The following NPIPB12 variants were observed in gnomAD, a reference collection of about 807,000 sequenced individuals.
The protein encoded by NPIPB12 is nuclear pore complex interacting protein family member B12.
chr16:29,504,522 G>GTA (rs1314617298), intron 2 of NPIPB12, among the ~76,000 whole-genome samples: 1 of 101,876 alleles, frequency 9.8e-6, no homozygotes, highest in Non-Finnish European at 1.9e-5. Flanking sequence ...ATATGTGTGT[G>GTA]TGTGTGTGTG....
chr16:29,501,311 C>G (rs1350468759), upstream of NPIPB12, among the ~76,000 whole-genome samples: 1 of 27,026 alleles, frequency 3.7e-5, no homozygotes. Flanking sequence ...AACCCTGTCT[C>G]TAATAAAATA....
At chr16:29,498,411 A>G (rs1965169020) in intron 1 of NPIPB12, among the ~76,000 whole-genome samples, 1 of 122,080 alleles carries the variant, frequency 8.2e-6, no homozygotes, top group African/African-American at 3.0e-5. Flanking sequence ...ACTTACACTT[A>G]AGGTTATATA....
At position 29,492,512 on chromosome 16, in the gene NPIPB12, A is replaced by AAT. The variant is rs1555481725; in HGVS notation, c.205-639_205-638insAT. 8.0e-4 allele frequency among the ~76,000 whole-genome samples: 34 copies of AAT among 42,712 alleles called. 1 individual carries two copies. Among genetic ancestry groups the AAT allele is most frequent in the African/African-American group, 2.8e-3 (29 of 10,314 alleles). The allele number at this position is 42,712 out of a possible 152,430, so 28.0% of individuals were successfully genotyped here. A position where few individuals can be genotyped will look rare whatever the true frequency, so the allele number is the denominator to read the frequency against. On this transcript the variant is annotated intron_variant, in intron 2 of 5. Coordinates refer to ENST00000617311, the Ensembl canonical transcript of NPIPB12. Reference sequence around the variant, plus strand: ...TGTCTCAAAAAAAAAAAAAAAAAAAAAGGCCAGATGCGGTAGCTCACGCCT... The same window carrying AAT: ...TGTCTCAAAAAAAAAAAAAAAAAAAAATAGGCCAGATGCGGTAGCTCACGCCT...
chr16:29,495,083 G>A (rs1339477224), intron 2 of NPIPB12, among the ~76,000 whole-genome samples: 1 of 120,188 alleles, frequency 8.3e-6, no homozygotes, highest in East Asian at 2.5e-4. Context: ...TAAGCTGTCT[G>A]TTGTCAGCTC....
At chr16:29,499,285 TA>T in intron 1 of NPIPB12, 1 of 159,608 alleles carries the variant, frequency 6.3e-6, no homozygotes, top group Non-Finnish European at 9.2e-6. Flanking sequence ...TACAGCCCAG[TA>T]AAAAGGAAGA....
At chr16:29,485,115 G>GGGATGGAGCAGACA, downstream of NPIPB12, 3 of 246,114 alleles carry the variant, frequency 1.2e-5, no homozygotes, top group Non-Finnish European at 1.9e-5. Flanking sequence ...AGGGTGGAAG[G>GGGATGGAGCAGACA]CAGGTGTCTT....
At chr16:29,498,408 CT>C (rs1965168933) in intron 1 of NPIPB12, among the ~76,000 whole-genome samples, 1 of 126,000 alleles carries the variant, frequency 7.9e-6, no homozygotes, top group Non-Finnish European at 1.7e-5. Flanking sequence ...TAAACTTACA[CT>C]TAAGGTTATA....
At chr16:29,485,148 GGAGCTGAGGGT>G, downstream of NPIPB12, 1 of 210,744 alleles carries the variant, frequency 4.7e-6, no homozygotes, top group Non-Finnish European at 8.0e-6. Flanking sequence ...TGCTGAGGGT[GGAGCTGAGGGT>G]GGAAGGGGAG....
At chr16:29,492,779 T>G in intron 2 of NPIPB12, among the ~76,000 whole-genome samples, 1 of 132,342 alleles carries the variant, frequency 7.6e-6, no homozygotes. Flanking sequence ...GGTGACAGAG[T>G]GAGACTCCGT....
intron 4 of NPIPB12, among the ~76,000 whole-genome samples, chr16:29,490,482 C>T (rs1965067457): frequency 6.7e-6 from 1 of 149,290 alleles, no homozygotes; most frequent in Admixed American, 6.6e-5. Context: ...CGCCTGTAAT[C>T]CCAGCACATT....
intron 2 of NPIPB12, among the ~76,000 whole-genome samples, chr16:29,504,516 G>C (rs1182672571): frequency 4.2e-5 from 1 of 23,868 alleles, no homozygotes; most frequent in African/African-American, 1.6e-4. Flanking sequence ...AAAAATATAT[G>C]TGTGTGTGTG....
At chr16:29,504,446 A>C (rs1308763931), upstream of NPIPB12, among the ~76,000 whole-genome samples, 165 of 117,404 alleles carry the variant, frequency 1.4e-3, no homozygotes, top group African/African-American at 5.1e-3. Context: ...CGGAGGTTGC[A>C]GTGAGCCAAG....
At chr16:29,504,616 G>T in intron 2 of NPIPB12, among the ~76,000 whole-genome samples, 1 of 114,940 alleles carries the variant, frequency 8.7e-6, no homozygotes, top group African/African-American at 3.2e-5. Flanking sequence ...TAAAAGACAA[G>T]ATAATGTTCA....
intron 2 of NPIPB12, among the ~76,000 whole-genome samples, chr16:29,493,034 TC>T (rs1411118142): frequency 1.8e-4 from 6 of 32,970 alleles, no homozygotes; most frequent in Non-Finnish European, 2.8e-4. Flanking sequence ...TACTCAGAGT[TC>T]ACTTTCCCTT....
At chr16:29,492,485 CTT>C (rs1397967758) in intron 2 of NPIPB12, among the ~76,000 whole-genome samples, 10 of 75,740 alleles carry the variant, frequency 1.3e-4, no homozygotes, top group African/African-American at 5.9e-4. Context: ...AATTGAAACT[CTT>C]GTCTCAAAAA....
chr16:29,498,363 T>C (rs62035645), intron 1 of NPIPB12, among the ~76,000 whole-genome samples: 12,691 of 100,290 alleles, frequency 0.13, 2 homozygotes, highest in Middle Eastern at 0.3. Flanking sequence ...GAAAGGGGGT[T>C]GGTTTATGCT....
intron 2 of NPIPB12, among the ~76,000 whole-genome samples, chr16:29,492,484 T>A (rs1965098118): frequency 1.4e-5 from 1 of 72,812 alleles, no homozygotes; most frequent in Non-Finnish European, 2.5e-5. Flanking sequence ...AAATTGAAAC[T>A]CTTGTCTCAA....
chr16:29,504,518 G>A (rs1483027047), intron 2 of NPIPB12, among the ~76,000 whole-genome samples: 1 of 35,954 alleles, frequency 2.8e-5, no homozygotes, highest in Admixed American at 3.1e-4. Flanking sequence ...AAATATATGT[G>A]TGTGTGTGTG....
intron 1 of NPIPB12, among the ~76,000 whole-genome samples, chr16:29,498,227 G>C (rs1244820385): frequency 8.9e-5 from 13 of 146,810 alleles, no homozygotes; most frequent in South Asian, 4.4e-4. Context: ...TCGAACCTGG[G>C]AAGCAGAGGT....
Sources: allele counts gnomAD v4.1 joint callset (sites outside exome capture counted in the v4.1 genomes callset), GRCh38; gene constraint gnomAD v4.1.1; transcripts MANE v1.5; gene names NCBI Gene and HGNC (gene_info 2026-07-23, HGNC 2026-07-21).